TMEM178B: variants seen among roughly 807,000 people sequenced by gnomAD.
TMEM178B encodes transmembrane protein 178B.
TMEM178B carries 5 observed loss-of-function variants against 31.0 expected under a neutral mutation model. The observed-to-expected ratio is 0.16, with a 90% confidence interval of 0.08 to 0.34. The LOEUF is 0.34. Among genes scored for constraint, TMEM178B ranks in the 10% least tolerant of loss-of-function variants. The probability of loss-of-function intolerance (pLI) is 1.00; values close to 1 mark genes in which losing one functional copy is unlikely to be tolerated. For missense variants in TMEM178B, 275 were observed against 400.3 expected (o/e 0.69, Z 2.67); for synonymous variants, 164 against 164.0 (o/e 1.00, Z 0.00).
chr7:141,226,847 G>T (rs1443305755), intron 2 of TMEM178B, among the ~76,000 whole-genome samples: 1 of 132,760 alleles, frequency 7.5e-6, no homozygotes, highest in Non-Finnish European at 1.6e-5. Context: ...AACAGAGTGA[G>T]ACTACCACTC....
the TMEM178B span, among the ~76,000 whole-genome samples, chr7:141,506,814 TG>T: frequency 1.3e-5 from 2 of 152,188 alleles, no homozygotes; most frequent in Non-Finnish European, 2.9e-5. Flanking sequence ...CCTATGAGCC[TG>T]TAAAATCAAA....
intron 1 of TMEM178B, among the ~76,000 whole-genome samples, chr7:141,141,000 G>C (rs1290015756): frequency 6.6e-6 from 1 of 152,108 alleles, no homozygotes; most frequent in Non-Finnish European, 1.5e-5. Context: ...GAGGTCACTA[G>C]ACACAGCCCA....
At chr7:141,395,559 C>T (rs1800622464) in intron 2 of TMEM178B, among the ~76,000 whole-genome samples, 1 of 152,178 alleles carries the variant, frequency 6.6e-6, no homozygotes, top group Admixed American at 6.5e-5. Flanking sequence ...GTTGGTTACT[C>T]TCTTCTTAGG....
At position 141,406,849 on chromosome 7, in the gene TMEM178B, A is replaced by G. The variant is rs543001263; in HGVS notation, c.497-30759A>G. 8.5e-5 allele frequency among the ~76,000 whole-genome samples: 13 copies of G among 152,356 alleles called. No individual in the cohort carries two copies. The South Asian group carries it at 2.5e-3, about 29-fold the overall frequency. On this transcript the variant is annotated intron_variant, in intron 2 of 3. Transcript: ENST00000565468. ...TTGAAGTGGCGTTTTGTTACAATGC[A>G]TGTATTTCTAGAATTCGCACCTCCA...
intron 2 of TMEM178B, among the ~76,000 whole-genome samples, chr7:141,334,419 G>A (rs768570096): frequency 9.2e-5 from 14 of 152,186 alleles, no homozygotes; most frequent in Non-Finnish European, 1.9e-4. Flanking sequence ...CTCATAGAAC[G>A]TAGTCATCAC....
At chr7:141,406,089 A>C (rs549512232) in intron 2 of TMEM178B, among the ~76,000 whole-genome samples, 40 of 152,308 alleles carry the variant, frequency 2.6e-4, no homozygotes, top group Admixed American at 2.3e-3. Flanking sequence ...TCCAGCTCAC[A>C]TCTGTTCACT....
intron 2 of TMEM178B, among the ~76,000 whole-genome samples, chr7:141,322,501 C>CTCCA (rs1799118333): frequency 6.6e-6 from 1 of 152,178 alleles, no homozygotes; most frequent in East Asian, 1.9e-4. Flanking sequence ...CACCACTGCA[C>CTCCA]TCCAGCCTAG....
At chr7:141,331,741 G>A (rs999796063) in intron 2 of TMEM178B, among the ~76,000 whole-genome samples, 9 of 152,184 alleles carry the variant, frequency 5.9e-5, no homozygotes, top group African/African-American at 1.9e-4. Context: ...CAGTTTCAGT[G>A]GCTGATGCAG....
intron 2 of TMEM178B, among the ~76,000 whole-genome samples, chr7:141,292,428 C>T (rs1480781713): frequency 6.6e-6 from 1 of 152,160 alleles, no homozygotes; most frequent in African/African-American, 2.4e-5. Context: ...CCTCAAGCAC[C>T]TTTCATCTTT....
At chr7:141,502,866 T>C in the TMEM178B span, among the ~76,000 whole-genome samples, 2 of 152,300 alleles carry the variant, frequency 1.3e-5, no homozygotes, top group South Asian at 4.1e-4. Context: ...TACTGGGTGC[T>C]AGGTACTGTT....
chr7:141,165,919 C>T (rs191497869), intron 1 of TMEM178B, among the ~76,000 whole-genome samples: 7 of 152,322 alleles, frequency 4.6e-5, no homozygotes, highest in East Asian at 3.9e-4. Context: ...GCATTGTGCA[C>T]GGCACATAGT....
chr7:141,412,084 C>G (rs758181380), intron 2 of TMEM178B, among the ~76,000 whole-genome samples: 5 of 152,060 alleles, frequency 3.3e-5, no homozygotes, highest in Non-Finnish European at 7.3e-5. Flanking sequence ...GTCCTGTATC[C>G]CCAAAGAGCA....
At chr7:141,396,439 T>G (rs1157666280) in intron 2 of TMEM178B, among the ~76,000 whole-genome samples, 2 of 152,240 alleles carry the variant, frequency 1.3e-5, no homozygotes, top group African/African-American at 4.8e-5. Context: ...TCCCTGGTTC[T>G]GCGGCATTTG....
intron 2 of TMEM178B, among the ~76,000 whole-genome samples, chr7:141,218,652 C>A (rs1302557417): frequency 3.3e-5 from 5 of 152,030 alleles, no homozygotes; most frequent in Admixed American, 6.5e-5. Context: ...CCAACCCGGC[C>A]CCCCACACCT....
At chr7:141,383,702 A>G (rs1224434625) in intron 2 of TMEM178B, among the ~76,000 whole-genome samples, 1 of 152,212 alleles carries the variant, frequency 6.6e-6, no homozygotes. Flanking sequence ...TCTTTATAGC[A>G]GCATGATTTA....
intron 2 of TMEM178B, among the ~76,000 whole-genome samples, chr7:141,419,882 T>C (rs1801171690): frequency 1.3e-5 from 2 of 152,198 alleles, no homozygotes; most frequent in African/African-American, 2.4e-5. Flanking sequence ...CAGCATGTTA[T>C]AATAATTACG....
chr7:141,325,191 A>G (rs1352353465), intron 2 of TMEM178B, among the ~76,000 whole-genome samples: 1 of 152,164 alleles, frequency 6.6e-6, no homozygotes, highest in Non-Finnish European at 1.5e-5. Context: ...AATGGCATTG[A>G]TTTGACTGTG....
At chr7:141,190,743 T>C (rs991522480) in intron 1 of TMEM178B, among the ~76,000 whole-genome samples, 2 of 152,190 alleles carry the variant, frequency 1.3e-5, no homozygotes, top group African/African-American at 4.8e-5. Context: ...CAAAGTATCT[T>C]AAGTTGGGGA....
chr7:141,326,291 G>A (rs1463092570), intron 2 of TMEM178B, among the ~76,000 whole-genome samples: 2 of 152,008 alleles, frequency 1.3e-5, no homozygotes, highest in African/African-American at 2.4e-5. Flanking sequence ...ACTTGTATTA[G>A]AGAAACATAA....
Sources: allele counts gnomAD v4.1 joint callset (sites outside exome capture counted in the v4.1 genomes callset), GRCh38; gene constraint gnomAD v4.1.1; transcripts MANE v1.5; gene names NCBI Gene and HGNC (gene_info 2026-07-23, HGNC 2026-07-21).